Variants in OPRD1 observed in about 807,000 individuals in gnomAD.
The protein encoded by OPRD1 is delta-type opioid receptor.
Under a neutral mutation model 17.5 loss-of-function variants are expected in OPRD1, and 19 were observed. The observed-to-expected ratio is 1.09, with a 90% CI of 0.76 to 1.60. OPRD1 has a LOEUF of 1.60. Ranked by LOEUF, OPRD1 falls within the 40% of genes most tolerant of loss-of-function variation. The pLI is 0.00. For missense variants in OPRD1, 483 were observed against 547.2 expected (o/e 0.88, Z 1.17); for synonymous variants, 256 against 240.9 (o/e 1.06, Z -0.58).
chr1:28,853,476 G>A (rs1348774250), intron 1 of OPRD1, among the ~76,000 whole-genome samples: 1 of 152,226 alleles, frequency 6.6e-6, no homozygotes, highest in African/African-American at 2.4e-5. Context: ...TGGGTATTTA[G>A]GCATAGCCTT....
chr1:28,866,546 AAG>A lies in OPRD1; in HGVS notation c.*3268_*3269del, dbSNP rs1435108904. ...AGTAGTGTTATCCCCATTGAGGACA[AAG>A]AGAGCTGAGGCTGAGAGAGGTCAGG... On this transcript the variant is annotated 3_prime_UTR_variant, in exon 3 of 3. Coordinates refer to ENST00000234961, the MANE Select transcript of OPRD1 (RefSeq NM_000911.4). 1 of 152,166 alleles carries A rather than the reference AAG, an allele frequency of 6.6e-6. No individual in the cohort carries two copies. The allele number at this position is 152,166 out of a possible 1,614,324, so 9.4% of individuals were successfully genotyped here.
At chr1:28,826,859 A>C (rs2088772694) in intron 1 of OPRD1, among the ~76,000 whole-genome samples, 1 of 152,250 alleles carries the variant, frequency 6.6e-6, no homozygotes, top group African/African-American at 2.4e-5. Flanking sequence ...TCTTACCAAC[A>C]GTAGAACTTT....
intron 1 of OPRD1, among the ~76,000 whole-genome samples, chr1:28,846,312 G>A (rs762036507): frequency 6.6e-6 from 1 of 152,180 alleles, no homozygotes; most frequent in Non-Finnish European, 1.5e-5. Flanking sequence ...CAGAGATTTA[G>A]TTTCTCAGTT....
intron 1 of OPRD1, among the ~76,000 whole-genome samples, chr1:28,822,337 C>A (rs2088722806): frequency 6.6e-6 from 1 of 152,124 alleles, no homozygotes; most frequent in Non-Finnish European, 1.5e-5. Context: ...CTTCCTGTCA[C>A]TGAAGTGCGC....
chr1:28,827,311 C>T (rs1247014467), intron 1 of OPRD1, among the ~76,000 whole-genome samples: 2 of 152,106 alleles, frequency 1.3e-5, no homozygotes, highest in African/African-American at 4.8e-5. Flanking sequence ...CAAAACAAAA[C>T]CAAAAGAAAC....
At chr1:28,862,604 A>T in intron 2 of OPRD1, 138 bp from the exon 3 acceptor site, 1 of 757,216 alleles carries the variant, frequency 1.3e-6, no homozygotes, top group Non-Finnish European at 2.1e-6. Context: ...CACTCCAGAC[A>T]GAAGAATCCC....
In OPRD1 at chr1:28,824,957, G is replaced by A. The variant is rs190414743; in HGVS notation, c.227+12347G>A. Among the ~76,000 whole-genome samples the A allele has an allele frequency of 4.6e-5, 7 of 151,780 alleles. No homozygotes were observed. In the East Asian group the frequency reaches 1.4e-3, roughly 30 times the overall value. ...CGCCATTCTCCTGCCTCAGCCTCCC[G>A]AGTAGCTGGGACTACAGGTGCCCAC... On this transcript the variant is annotated intron_variant, in intron 1 of 2. Coordinates refer to ENST00000234961, the MANE Select transcript of OPRD1 (RefSeq NM_000911.4).
Position 28,863,547 on chromosome 1 carries a change from G to A in OPRD1, c.*264G>A. The A allele has an allele frequency of 2.4e-6, 1 of 416,128 alleles. No homozygotes were observed. Among genetic ancestry groups the A allele is most frequent in the Non-Finnish European group, 4.2e-6 (1 of 238,206 alleles). The allele number at this position is 416,128 out of a possible 1,614,324, so 25.8% of individuals were successfully genotyped here. On this transcript the variant is annotated 3_prime_UTR_variant, in exon 3 of 3. Transcript: ENST00000234961. The stretch of plus-strand genomic sequence containing the variant: ...CCGTCCACGGCTCTAGGTGGGGCGG[G>A]AAAGCCAGTGACTCCAGGAGAGGAG...
intron 1 of OPRD1, among the ~76,000 whole-genome samples, chr1:28,817,047 G>C (rs1418485817): frequency 6.6e-6 from 1 of 152,100 alleles, no homozygotes; most frequent in Non-Finnish European, 1.5e-5. Flanking sequence ...CAGCAGGTTT[G>C]TACCCTCGCA....
At chr1:28,862,203 T>G (rs204077) in intron 2 of OPRD1, among the ~76,000 whole-genome samples, 12 of 151,856 alleles carry the variant, frequency 7.9e-5, no homozygotes, top group Admixed American at 7.9e-4. Context: ...AGGCGTGAAC[T>G]ACCGCACCTG....
rs2089172483 is a variant in OPRD1 at position 28,865,917 on chromosome 1, CCT to C, written c.*2635_*2636del. On this transcript the variant is annotated 3_prime_UTR_variant, in exon 3 of 3. Transcript: ENST00000234961. ...GACCTGTGTCCCCTCCCAGGATAGG[CCT>C]GTTTCAAGGCTGCTTGAAGCCCACT... 1 of 152,260 alleles carries C rather than the reference CCT, an allele frequency of 6.6e-6. No homozygotes were observed. The highest frequency in any genetic ancestry group is 1.5e-5 in the Non-Finnish European group (1 of 68,076). 9.4% of individuals were successfully genotyped at this position (152,260 alleles called of 1,614,324 possible).
rs1194456684 is a variant in OPRD1, at chr1:28,868,776, G to T, written c.*5493G>T. On this transcript the variant is annotated 3_prime_UTR_variant, in exon 3 of 3. Coordinates refer to ENST00000234961, the MANE Select transcript of OPRD1 (RefSeq NM_000911.4). ...AATCGCCTGAACCCAGGAAGCAGAG[G>T]TTACAGTGAGCCAAGATCTTGCCAC... The T allele has an allele frequency of 2.0e-5, 3 of 151,978 alleles. No individual in the cohort carries two copies. The highest frequency in any genetic ancestry group is 7.3e-5 in the African/African-American group (3 of 41,298). The allele number at this position is 151,978 out of a possible 1,614,324, so 9.4% of individuals were successfully genotyped here.
chr1:28,819,152 C>G (rs2088692655), intron 1 of OPRD1, among the ~76,000 whole-genome samples: 1 of 152,038 alleles, frequency 6.6e-6, no homozygotes, highest in Admixed American at 6.6e-5. Context: ...CAGCTGTCCC[C>G]TTTCTGAAAT....
chr1:28,841,959 A>G (rs1303635358), intron 1 of OPRD1, among the ~76,000 whole-genome samples: 2 of 151,482 alleles, frequency 1.3e-5, no homozygotes, highest in Non-Finnish European at 2.9e-5. Flanking sequence ...CCTGGCCTCA[A>G]GTGATTCACC....
At position 28,867,219 on chromosome 1, in the gene OPRD1, T is replaced by C. The variant is rs539607013; in HGVS notation, c.*3936T>C. 1.3e-5 allele frequency: 2 copies of C among 152,016 alleles called. No individual in the cohort carries two copies. Among genetic ancestry groups the C allele is most frequent in the South Asian group, 4.2e-4 (2 of 4,812 alleles). The allele number at this position is 152,016 out of a possible 1,614,324, so 9.4% of individuals were successfully genotyped here. ...ATTTATTTTGTTTGGGTTTTTTTTTTTCTGAGACAGGGTCTCCCTCTGTCG... is the reference window on the plus strand; with the variant it reads ...ATTTATTTTGTTTGGGTTTTTTTTTCTCTGAGACAGGGTCTCCCTCTGTCG... On this transcript the variant is annotated 3_prime_UTR_variant, in exon 3 of 3. Coordinates refer to ENST00000234961, the MANE Select transcript of OPRD1 (RefSeq NM_000911.4).
intron 1 of OPRD1, among the ~76,000 whole-genome samples, chr1:28,820,118 A>G (rs1284253978): frequency 6.6e-6 from 1 of 151,676 alleles, no homozygotes; most frequent in Non-Finnish European, 1.5e-5. Flanking sequence ...TTCTGTAATT[A>G]TGACTATTTA....
intron 1 of OPRD1, among the ~76,000 whole-genome samples, chr1:28,820,427 T>C (rs1420636801): frequency 6.6e-6 from 1 of 152,002 alleles, no homozygotes; most frequent in Non-Finnish European, 1.5e-5. Context: ...ACTCCTGGCC[T>C]CAAGTGATCC....
chr1:28,843,900 A>T (rs2088917512), intron 1 of OPRD1, among the ~76,000 whole-genome samples: 1 of 152,192 alleles, frequency 6.6e-6, no homozygotes, highest in Admixed American at 6.6e-5. Context: ...TCCATCTATC[A>T]ATGGATATAT....
rs1328723329 is a variant in OPRD1 at position 28,866,808 on chromosome 1, G to C, written c.*3525G>C. ...AAGCTCTCCAAATCTTCACGTTTCA[G>C]AATGTACTGTGCATGGTGCATTTTA... On this transcript the variant is annotated 3_prime_UTR_variant, in exon 3 of 3. Coordinates refer to ENST00000234961, the MANE Select transcript of OPRD1 (RefSeq NM_000911.4). 6.6e-6 allele frequency: 1 copy of C among 152,056 alleles called. No individual in the cohort carries two copies. The highest frequency in any genetic ancestry group is 1.5e-5 in the Non-Finnish European group (1 of 68,042). 9.4% of individuals were successfully genotyped at this position (152,056 alleles called of 1,614,324 possible).
Sources: gnomAD v4.1 joint callset for allele counts (sites outside exome capture counted in the v4.1 genomes callset) on GRCh38, gnomAD v4.1.1 for gene constraint, MANE v1.5 for transcripts, NCBI Gene and HGNC (gene_info 2026-07-23, HGNC 2026-07-21) for gene names.